ZNF385D: variants seen among roughly 807,000 people sequenced by gnomAD.
ZNF385D encodes zinc finger protein 385D.
A neutral mutation model predicts 35.8 loss-of-function variants in ZNF385D; 15 were observed. That is an observed-to-expected ratio of 0.42 (90% confidence interval 0.28 to 0.64). The LOEUF (loss-of-function observed/expected upper bound fraction) is 0.64, where lower values mean the gene tolerates loss of function less well. ZNF385D is among the 30% of genes least tolerant of loss of function. The pLI is 0.23. For missense variants in ZNF385D, 474 were observed against 494.6 expected, an observed-to-expected ratio of 0.96 and a Z score of 0.39; for synonymous variants, 212 against 186.8, an observed-to-expected ratio of 1.13 and a Z score of -1.10.
intron 3 of ZNF385D, among the ~76,000 whole-genome samples, chr3:21,864,273 G>C (rs1235554734): frequency 6.6e-6 from 1 of 152,080 alleles, no homozygotes; most frequent in Admixed American, 6.6e-5. Context: ...AAGTCTGATA[G>C]CTTAACCAGG....
At chr3:22,146,586 T>C (rs899863767) in intron 3 of ZNF385D, among the ~76,000 whole-genome samples, 5 of 152,192 alleles carry the variant, frequency 3.3e-5, no homozygotes, top group Non-Finnish European at 7.4e-5. Flanking sequence ...TGCTAAATTA[T>C]AAACTCCATG....
At chr3:21,821,429 C>A (rs191100037) in intron 3 of ZNF385D, among the ~76,000 whole-genome samples, 7 of 152,178 alleles carry the variant, frequency 4.6e-5, no homozygotes, top group Middle Eastern at 3.4e-3. Context: ...TAAGAGAATT[C>A]TTCTTGACAA....
At chr3:21,853,258 C>T (rs904411083) in intron 3 of ZNF385D, among the ~76,000 whole-genome samples, 8 of 151,778 alleles carry the variant, frequency 5.3e-5, no homozygotes, top group Non-Finnish European at 7.4e-5. Flanking sequence ...CCTATAATCA[C>T]TTTCCATAAA....
intron 3 of ZNF385D, among the ~76,000 whole-genome samples, chr3:21,998,287 G>C (rs1369622803): frequency 6.6e-6 from 1 of 152,156 alleles, no homozygotes; most frequent in African/African-American, 2.4e-5. Flanking sequence ...CTATGGACTA[G>C]CCATTTTGCT....
intron 3 of ZNF385D, among the ~76,000 whole-genome samples, chr3:21,905,214 A>AC (rs1699615876): frequency 6.7e-6 from 1 of 149,268 alleles, no homozygotes; most frequent in Admixed American, 7.0e-5. Flanking sequence ...CCAAAAAAAA[A>AC]AAAAAAAAAA....
intron 3 of ZNF385D, among the ~76,000 whole-genome samples, chr3:22,057,511 G>GT (rs1248208113): frequency 5.2e-5 from 7 of 135,586 alleles, no homozygotes; most frequent in Admixed American, 8.2e-5. Context: ...TTCTTTTAAA[G>GT]TATTTTTTTT....
intron 1 of ZNF385D, among the ~76,000 whole-genome samples, chr3:21,700,778 A>ATTAATG (rs1024277240): frequency 2.0e-5 from 3 of 152,230 alleles, no homozygotes; most frequent in Non-Finnish European, 4.4e-5. Flanking sequence ...AGTGATATGT[A>ATTAATG]TTAATGTTAA....
At chr3:22,032,535 G>T (rs1559318555) in intron 3 of ZNF385D, among the ~76,000 whole-genome samples, 1 of 152,118 alleles carries the variant, frequency 6.6e-6, no homozygotes, top group Non-Finnish European at 1.5e-5. Flanking sequence ...TGAGATTTGG[G>T]TAGGGACACA....
At chr3:22,269,757 A>T (rs1293279987) in intron 2 of ZNF385D, among the ~76,000 whole-genome samples, 3 of 151,800 alleles carry the variant, frequency 2.0e-5, no homozygotes, top group Non-Finnish European at 4.4e-5. Flanking sequence ...TATAACCTCC[A>T]AACACCACCC....
chr3:21,844,144 T>A (rs959488480), intron 3 of ZNF385D, among the ~76,000 whole-genome samples: 8 of 151,968 alleles, frequency 5.3e-5, no homozygotes. Context: ...AATTTAACCT[T>A]AAAACAACCC....
At chr3:21,944,351 G>T (rs1701674540) in intron 3 of ZNF385D, among the ~76,000 whole-genome samples, 1 of 152,298 alleles carries the variant, frequency 6.6e-6, no homozygotes, top group East Asian at 1.9e-4. Context: ...CAAAGCTGAA[G>T]AAACCACTGA....
chr3:21,800,635 A>G (rs1240955885), intron 3 of ZNF385D, among the ~76,000 whole-genome samples: 1 of 152,118 alleles, frequency 6.6e-6, no homozygotes, highest in East Asian at 1.9e-4. Flanking sequence ...ATTAAAAAAC[A>G]ATTTATTTCC....
intron 2 of ZNF385D, among the ~76,000 whole-genome samples, chr3:22,331,371 T>A (rs948986905): frequency 6.6e-6 from 1 of 152,108 alleles, no homozygotes; most frequent in Non-Finnish European, 1.5e-5. Flanking sequence ...TTAATGTAAA[T>A]AAATTATAGA....
chr3:21,605,219 CAG>C (rs1460233865), intron 2 of ZNF385D, among the ~76,000 whole-genome samples: 1 of 151,962 alleles, frequency 6.6e-6, no homozygotes, highest in African/African-American at 2.4e-5. Flanking sequence ...TAGGAACAGA[CAG>C]GGAGTTGGGA....
rs141055727 is a variant in ZNF385D, at chr3:21,842,614, G to C, written c.326-177586C>G. ...ATGGTTGTTTACATACTGGTCTGAG[G>C]ATGTGAATTTATATCCAAATTTCTG... On this transcript the variant is annotated intron_variant, in intron 3 of 5. Transcript: ENST00000494108. Among the ~76,000 whole-genome samples, 21 of 152,040 alleles carry C rather than the reference G, an allele frequency of 1.4e-4. 1 individual carries two copies. The East Asian group carries it at 3.5e-3, about 25-fold the overall frequency.
intron 2 of ZNF385D, among the ~76,000 whole-genome samples, chr3:22,192,909 T>C: frequency 6.6e-6 from 1 of 152,162 alleles, no homozygotes; most frequent in East Asian, 1.9e-4. Context: ...GCCATTATTA[T>C]GATCAAACCA....
chr3:22,109,066 T>C (rs1702375531), intron 3 of ZNF385D, among the ~76,000 whole-genome samples: 1 of 152,116 alleles, frequency 6.6e-6, no homozygotes, highest in South Asian at 2.1e-4. Context: ...AACGACGCAA[T>C]ACATAGTAAT....
intron 2 of ZNF385D, among the ~76,000 whole-genome samples, chr3:21,596,244 G>A (rs996444247): frequency 1.3e-5 from 2 of 152,180 alleles, no homozygotes; most frequent in African/African-American, 4.8e-5. Context: ...GAAGCAATTA[G>A]TGCCAAGCAC....
chr3:22,058,859 G>C (rs1374408570), intron 3 of ZNF385D, among the ~76,000 whole-genome samples: 2 of 152,188 alleles, frequency 1.3e-5, no homozygotes, highest in Non-Finnish European at 2.9e-5. Context: ...CTGGTGGTTA[G>C]TGGGGACCAC....
Sources: gnomAD v4.1 joint callset for allele counts (sites outside exome capture counted in the v4.1 genomes callset) on GRCh38, gnomAD v4.1.1 for gene constraint, MANE v1.5 for transcripts, NCBI Gene and HGNC (gene_info 2026-07-23, HGNC 2026-07-21) for gene names.